The following CACNA1C variants were observed in gnomAD, a reference collection of about 807,000 sequenced individuals.
The protein encoded by CACNA1C is voltage-dependent L-type calcium channel subunit alpha-1C.
In CACNA1C, 30 loss-of-function variants were observed where a neutral mutation model predicts 229.0. The observed-to-expected ratio is 0.13, with a 90% CI of 0.10 to 0.18. The LOEUF (loss-of-function observed/expected upper bound fraction) is 0.18, where lower values mean the gene tolerates loss of function less well. Ranked by LOEUF, CACNA1C falls within the 10% of genes least tolerant of loss-of-function variation. CACNA1C has a pLI of 1.00. For synonymous variants in CACNA1C, 1,114 were observed against 1,132.5 expected (o/e 0.98, Z 0.33); for missense variants, 1,658 against 2,845.0 (o/e 0.58, Z 9.49).
At chr12:2,669,133 T>G in intron 38 of CACNA1C, 98 bp downstream of exon 38, 1 of 853,492 alleles carries the variant, frequency 1.2e-6, no homozygotes, top group Admixed American at 1.7e-5. Flanking sequence ...GGGAACTTCC[T>G]GCCCCAGACA....
chr12:2,187,819 G>A (rs2097091853), intron 3 of CACNA1C, among the ~76,000 whole-genome samples: 1 of 152,238 alleles, frequency 6.6e-6, no homozygotes, highest in South Asian at 2.1e-4. Context: ...CATCCCTCAT[G>A]CCTGCAGCAG....
At chr12:1,983,720 T>C (rs75280067) in intron 1 of CACNA1C, among the ~76,000 whole-genome samples, 5,551 of 152,186 alleles carry the variant, frequency 0.036, 119 homozygotes, top group Middle Eastern at 0.058. Context: ...GAATATAATA[T>C]AAATGACAGC....
intron 3 of CACNA1C, among the ~76,000 whole-genome samples, chr12:2,326,172 G>GGCAGGGAGAGAAAAAGGAGAGAAAAA (rs2096282972): frequency 1.3e-5 from 2 of 151,930 alleles, no homozygotes; most frequent in Non-Finnish European, 2.9e-5. Flanking sequence ...AGGATGACGA[G>GGCAGGGAGAGAAAAAGGAGAGAAAAA]GGAGGAGAGA....
At chr12:2,442,174 A>G (rs1182688139) in intron 3 of CACNA1C, among the ~76,000 whole-genome samples, 2 of 152,166 alleles carry the variant, frequency 1.3e-5, no homozygotes, top group African/African-American at 2.4e-5. Context: ...GAAGCTTATA[A>G]TGTAGTTGAA....
At chr12:2,295,975 C>G (rs1457568901) in intron 3 of CACNA1C, among the ~76,000 whole-genome samples, 3 of 152,208 alleles carry the variant, frequency 2.0e-5, no homozygotes, top group Non-Finnish European at 2.9e-5. Context: ...TTGCCCATGT[C>G]TCTCCTATGA....
intron 30 of CACNA1C, among the ~76,000 whole-genome samples, chr12:2,637,853 C>T (rs545999138): frequency 2.6e-5 from 4 of 152,364 alleles, no homozygotes; most frequent in East Asian, 1.9e-4. Flanking sequence ...GGGCGTTTCA[C>T]CTGTAACCTG....
Position 2,632,063 on chromosome 12 carries a change from G to A in CACNA1C, c.3829-2234G>A, listed in dbSNP as rs1406217611. 6.6e-6 allele frequency among the ~76,000 whole-genome samples: 1 copy of A among 152,016 alleles called. No individual in the cohort carries two copies. The highest frequency in any genetic ancestry group is 1.5e-5 in the Non-Finnish European group (1 of 68,000). On this transcript the variant is annotated intron_variant, in intron 29 of 46. Coordinates refer to ENST00000399655, the MANE Select transcript of CACNA1C (RefSeq NM_000719.7). This position sits in a 1 kb window ranked among gnomAD's most constrained non-coding sequence, Gnocchi z 4.1. ...AGATCTGGGGAACCTCTCGGAGGAC[G>A]CTTCATGCTTTCATACCCCACTCCG... is the stretch of plus-strand genomic sequence containing the variant.
At chr12:2,577,899 C>T (rs1372822580) in intron 13 of CACNA1C, among the ~76,000 whole-genome samples, 10 of 149,560 alleles carry the variant, frequency 6.7e-5, no homozygotes, top group African/African-American at 9.9e-5. Flanking sequence ...GACGGAGTCT[C>T]GCTCTGTCGC....
At chr12:2,549,844 C>A in intron 9 of CACNA1C, 99 bp from the exon 10 acceptor site, 2 of 829,610 alleles carry the variant, frequency 2.4e-6, no homozygotes, top group South Asian at 2.9e-5. Flanking sequence ...TGCCAACCCG[C>A]ACTGGGTCTT....
intron 3 of CACNA1C, among the ~76,000 whole-genome samples, chr12:2,398,634 A>C (rs1236586904): frequency 6.6e-6 from 1 of 152,150 alleles, no homozygotes; most frequent in Non-Finnish European, 1.5e-5. Flanking sequence ...AAGCACTTTG[A>C]AATGCTTCTC....
intron 11 of CACNA1C, among the ~76,000 whole-genome samples, chr12:2,563,735 T>G (rs559281885): frequency 7.4e-4 from 112 of 152,342 alleles, no homozygotes; most frequent in African/African-American, 2.6e-3. Context: ...TTTGGGGGTA[T>G]GTGCAGGGAT....
chr12:2,426,278 A>G (rs1316121843), intron 3 of CACNA1C, among the ~76,000 whole-genome samples: 1 of 152,216 alleles, frequency 6.6e-6, no homozygotes, highest in African/African-American at 2.4e-5. Context: ...TGAGAAGGTA[A>G]TAAACCCATC....
At chr12:2,627,491 AT>A (rs2087494346) in intron 29 of CACNA1C, among the ~76,000 whole-genome samples, 1 of 151,940 alleles carries the variant, frequency 6.6e-6, no homozygotes, top group South Asian at 2.1e-4. Context: ...TTCGGCTCTC[AT>A]CATTTCTGGG....
rs1214448220 is a variant in CACNA1C at position 2,666,579 on chromosome 12, G to C, written c.4527-107G>C. The C allele has an allele frequency of 3.0e-6, 2 of 665,298 alleles. No individual in the cohort carries two copies. Among genetic ancestry groups the C allele is most frequent in the African/African-American group, 3.6e-5 (2 of 56,028 alleles). The allele number at this position is 665,298 out of a possible 1,614,324, so 41.2% of individuals were successfully genotyped here. On this transcript the variant is annotated intron_variant, in intron 36 of 46. Transcript: ENST00000399655. This position sits in a 1 kb window ranked among gnomAD's most constrained non-coding sequence, Gnocchi z 5.3. ...ACTAATAGGGCTACCACACTGTGCA[G>C]TGTTGCCCATATGAGTGGGCCCTAC...
In CACNA1C at chr12:2,603,933, A is replaced by G. The variant is rs372708299; in HGVS notation, c.2961-1148A>G. Among the ~76,000 whole-genome samples the G allele has an allele frequency of 1.8e-4, 28 of 152,252 alleles. 2 individuals carry two copies. The East Asian group carries it at 2.7e-3, about 15-fold the overall frequency. ...CAGCCATGTAGAAATGTGATTGGACAAGAAGCGTAGGATCTAACGTGAATG... is the reference window on the plus strand; with the variant it reads ...CAGCCATGTAGAAATGTGATTGGACGAGAAGCGTAGGATCTAACGTGAATG... On this transcript the variant is annotated intron_variant, in intron 22 of 46. Coordinates refer to ENST00000399655, the MANE Select transcript of CACNA1C (RefSeq NM_000719.7).
At chr12:2,522,437 C>T (rs1008251207) in intron 9 of CACNA1C, among the ~76,000 whole-genome samples, 3 of 152,164 alleles carry the variant, frequency 2.0e-5, no homozygotes, top group African/African-American at 7.2e-5. Context: ...TACCATTTTT[C>T]CAGTCTTAGC....
chr12:2,269,523 G>A (rs2083887736), intron 3 of CACNA1C, among the ~76,000 whole-genome samples: 1 of 152,170 alleles, frequency 6.6e-6, no homozygotes, highest in African/African-American at 2.4e-5. Flanking sequence ...TTTGAAAAAC[G>A]AGAATGGTGA....
intron 2 of CACNA1C, 94 bp downstream of exon 2, chr12:2,115,639 T>C: frequency 7.9e-7 from 1 of 1,266,292 alleles, no homozygotes; most frequent in African/African-American, 1.5e-5. Flanking sequence ...GTGTCAGCTG[T>C]GCTGGGCTAC....
At chr12:2,365,886 G>T (rs1018247195) in intron 3 of CACNA1C, among the ~76,000 whole-genome samples, 2 of 152,176 alleles carry the variant, frequency 1.3e-5, no homozygotes, top group Non-Finnish European at 2.9e-5. Context: ...TGCACTCCAC[G>T]TGTCTATCCA....
Sources: allele counts gnomAD v4.1 joint callset (sites outside exome capture counted in the v4.1 genomes callset), GRCh38; gene constraint gnomAD v4.1.1; non-coding constraint Gnocchi (gnomAD v3.1); transcripts MANE v1.5; gene names NCBI Gene and HGNC (gene_info 2026-07-23, HGNC 2026-07-21).